Variants in CHD2 observed in about 807,000 individuals in gnomAD.
The protein encoded by CHD2 is chromodomain helicase DNA binding protein 2, also known as ATP-dependent chromatin remodeler CHD2.
A neutral mutation model predicts 243.9 loss-of-function variants in CHD2; 28 were observed. The observed-to-expected ratio is 0.11, with a 90% confidence interval of 0.09 to 0.16. The LOEUF (loss-of-function observed/expected upper bound fraction) is 0.16. Ranked by LOEUF, CHD2 falls within the 10% of genes least tolerant of loss-of-function variation. The pLI is 1.00. For missense variants in CHD2, 1,386 were observed against 2,209.8 expected (o/e 0.63, Z 7.47); for synonymous variants, 775 against 779.0 (o/e 0.99, Z 0.09).
chr15:92,929,314 T>G lies in CHD2; in HGVS notation c.443+223T>G, dbSNP rs142289576. Among the ~76,000 whole-genome samples, 757 of 152,242 alleles carry G rather than the reference T, an allele frequency of 5.0e-3. 2 individuals are homozygous for G. Among genetic ancestry groups the G allele is most frequent in the Non-Finnish European group, 9.0e-3 (609 of 68,024 alleles). On this transcript the variant is annotated intron_variant, in intron 5 of 38. Transcript: ENST00000394196. ...ACACATGGAAGGGGTCCACGTATAC[T>G]CGAGCTTTTGCTTGGGATAAATCTC...
At chr15:93,015,931 T>C (rs2054454315) in intron 37 of CHD2, among the ~76,000 whole-genome samples, 1 of 152,194 alleles carries the variant, frequency 6.6e-6, no homozygotes, top group Admixed American at 6.5e-5. Flanking sequence ...GCAGCCATTA[T>C]GGAAAACAAT....
At chr15:92,921,750 A>G (rs1360603680) in intron 2 of CHD2, among the ~76,000 whole-genome samples, 2 of 152,164 alleles carry the variant, frequency 1.3e-5, no homozygotes, top group African/African-American at 2.4e-5. Context: ...CTGCTTTCAT[A>G]GCTGCCATTA....
At chr15:92,914,922 A>G (rs1365306744) in intron 2 of CHD2, 1 of 152,194 alleles carries the variant, frequency 6.6e-6, no homozygotes, top group East Asian at 1.9e-4. Flanking sequence ...TATTTTCCTT[A>G]TAAGGGTTAA....
intron 20 of CHD2, 78 bp from the exon 21 acceptor site, chr15:92,978,156 A>G: frequency 6.4e-7 from 1 of 1,551,816 alleles, no homozygotes; most frequent in Non-Finnish European, 8.9e-7. Flanking sequence ...AGGGGTTTCC[A>G]GGTGTAAGGG....
intron 2 of CHD2, among the ~76,000 whole-genome samples, chr15:92,923,598 G>A (rs1374238083): frequency 1.6e-5 from 2 of 127,978 alleles, no homozygotes; most frequent in African/African-American, 3.0e-5. Flanking sequence ...ACCAAGTCTC[G>A]CTCTGTCTCT....
Position 92,955,426 on chromosome 15 carries a change from C to G in CHD2, c.1723C>G (p.Arg575Gly). The change falls in exon 15 of 39, where the codon CGG (arginine) becomes GGG (glycine). Residue 575 changes from arginine to glycine, a missense_variant. Arg to Gly is a moderately radical substitution (Grantham distance 125, BLOSUM62 -2). Transcript: ENST00000394196. ...TAATTATGTTTTTTTCTTATAGATA[C>G]GGGAATATGAATGGATTCATTCCCA... ...IGDLMSRNTI[R>G]EYEWIHSQTK... is the part of the protein sequence containing the mutation. The G allele has an allele frequency of 6.4e-7, 1 of 1,563,044 alleles. No homozygotes were observed. The highest frequency in any genetic ancestry group is 8.6e-7 in the Non-Finnish European group (1 of 1,156,282).
chr15:92,939,827 C>A, intron 7 of CHD2, 109 bp downstream of exon 7: 1 of 1,173,570 alleles, frequency 8.5e-7, no homozygotes. Flanking sequence ...AAAATAACAG[C>A]CTATGTCCTG....
At chr15:92,922,900 C>G (rs530269837) in intron 2 of CHD2, among the ~76,000 whole-genome samples, 1 of 152,274 alleles carries the variant, frequency 6.6e-6, no homozygotes, top group African/African-American at 2.4e-5. Context: ...TATCACCCCT[C>G]AGTCTCTGTG....
intron 26 of CHD2, 85 bp downstream of exon 26, chr15:92,985,758 A>G: frequency 7.1e-7 from 1 of 1,414,640 alleles, no homozygotes; most frequent in Non-Finnish European, 9.5e-7. Flanking sequence ...ACATCGTGAC[A>G]GGGTAGGCAG....
At position 92,924,492 on chromosome 15, in the gene CHD2, C is replaced by T. The variant is rs751285040; in HGVS notation, c.234C>T (p.Val78=). The change falls in exon 3 of 39, where the codon GTC becomes GTT. Residue 78 remains valine (V), a synonymous_variant. Coordinates refer to ENST00000394196, the MANE Select transcript of CHD2 (RefSeq NM_001271.4). ...CAGCAGGTTCCAAATCCCAGCCAGTCCTCCCAGAAGCCAAAGAGAAGCCAG... is the reference window on the plus strand; with the variant it reads ...CAGCAGGTTCCAAATCCCAGCCAGTTCTCCCAGAAGCCAAAGAGAAGCCAG... The part of the protein sequence containing the change: ...SESAGSKSQP[V]LPEAKEKPAS... The T allele has an allele frequency of 3.1e-6, 5 of 1,614,060 alleles. No individual in the cohort carries two copies. Among genetic ancestry groups the T allele is most frequent in the Non-Finnish European group, 4.2e-6 (5 of 1,180,002 alleles).
chr15:92,973,371 A>T (rs561989783), intron 19 of CHD2, among the ~76,000 whole-genome samples: 1 of 152,136 alleles, frequency 6.6e-6, no homozygotes, highest in Admixed American at 6.5e-5. Flanking sequence ...CATATACGCA[A>T]TTTACCTTGT....
chr15:92,996,160 CTTTT>C (rs10712520), intron 28 of CHD2, among the ~76,000 whole-genome samples: 3 of 112,984 alleles, frequency 2.7e-5, no homozygotes, highest in Admixed American at 8.8e-5. Context: ...GGGTAAGTTT[CTTTT>C]TTTTTTTTTT....
intron 1 of CHD2, 38 bp from the exon 2 acceptor site, chr15:92,901,129 A>G (rs1166776434): frequency 4.3e-6 from 3 of 697,088 alleles, no homozygotes; most frequent in Non-Finnish European, 5.2e-6. Flanking sequence ...AAGCATCGAT[A>G]GAAGCCGGGA....
At chr15:92,967,572 G>GGAGATATATAT in intron 17 of CHD2, 59 bp downstream of exon 17, 1 of 1,238,974 alleles carries the variant, frequency 8.1e-7, no homozygotes, top group South Asian at 1.4e-5. Flanking sequence ...GAAACTATTA[G>GGAGATATATAT]ATAGGAGATA....
chr15:92,904,122 A>G (rs2141701864), intron 2 of CHD2, among the ~76,000 whole-genome samples: 1 of 152,318 alleles, frequency 6.6e-6, no homozygotes, highest in East Asian at 1.9e-4. Context: ...TGCCGACATA[A>G]AAGGCAGTTC....
chr15:92,901,034 AG>A, intron 1 of CHD2, 132 bp from the exon 2 acceptor site: 1 of 577,102 alleles, frequency 1.7e-6, no homozygotes, highest in Non-Finnish European at 3.1e-6. Flanking sequence ...AGGAAAAAAT[AG>A]AAATATTTAG....
chr15:92,959,142 A>G (rs2053653689), intron 16 of CHD2, among the ~76,000 whole-genome samples: 1 of 152,246 alleles, frequency 6.6e-6, no homozygotes, highest in Middle Eastern at 3.2e-3. Flanking sequence ...TTTAGATATC[A>G]TATCTGACAC....
At chr15:92,974,794 G>A in intron 19 of CHD2, 85 bp from the exon 20 acceptor site, 1 of 1,225,244 alleles carries the variant, frequency 8.2e-7, no homozygotes, top group Non-Finnish European at 1.2e-6. Flanking sequence ...GGGTGTTCAG[G>A]TGATAAAGGT....
At chr15:92,987,037 A>G (rs2054052434) in intron 26 of CHD2, among the ~76,000 whole-genome samples, 1 of 152,068 alleles carries the variant, frequency 6.6e-6, no homozygotes, top group Non-Finnish European at 1.5e-5. Context: ...TGCGCAGCCT[A>G]GTTGTTCTAC....
Sources: allele counts gnomAD v4.1 joint callset (sites outside exome capture counted in the v4.1 genomes callset), GRCh38; gene constraint gnomAD v4.1.1; transcripts MANE v1.5; gene names NCBI Gene and HGNC (gene_info 2026-07-23, HGNC 2026-07-21).